Variants in ACBD6 observed in about 807,000 individuals in gnomAD.
ACBD6 encodes acyl-CoA-binding domain-containing protein 6.
A neutral mutation model predicts 37.2 loss-of-function variants in ACBD6; 28 were observed. The ratio of observed to expected loss-of-function variants is 0.75; its 90% CI spans 0.56 to 1.03. The LOEUF is 1.03. ACBD6 is among the 50% of genes least tolerant of loss of function. ACBD6 has a pLI of 0.00. For missense variants in ACBD6, 340 were observed against 337.4 expected (o/e 1.01, Z -0.06); for synonymous variants, 113 against 126.8 (o/e 0.89, Z 0.73).
chr1:180,470,592 C>A (rs569823105), intron 3 of ACBD6, among the ~76,000 whole-genome samples: 1 of 152,170 alleles, frequency 6.6e-6, no homozygotes, highest in Non-Finnish European at 1.5e-5. Flanking sequence ...ACTTAAACTA[C>A]GGTATATATT....
At chr1:180,338,055 CA>C (rs1468836299) in intron 6 of ACBD6, among the ~76,000 whole-genome samples, 1 of 151,386 alleles carries the variant, frequency 6.6e-6, no homozygotes, top group African/African-American at 2.4e-5. Context: ...AACATCCAAA[CA>C]AATGCTCATG....
chr1:180,296,196 C>T (rs1649910578), intron 7 of ACBD6, among the ~76,000 whole-genome samples: 1 of 152,194 alleles, frequency 6.6e-6, no homozygotes, highest in South Asian at 2.1e-4. Flanking sequence ...GTCTAATCCA[C>T]AGCAAGGCTC....
At chr1:180,478,904 G>T (rs982055272) in intron 3 of ACBD6, among the ~76,000 whole-genome samples, 1 of 152,128 alleles carries the variant, frequency 6.6e-6, no homozygotes. Flanking sequence ...AAGGCAGGAG[G>T]ATCACTTGAG....
intron 6 of ACBD6, among the ~76,000 whole-genome samples, chr1:180,384,820 TGAA>T (rs1394860492): frequency 1.3e-5 from 2 of 152,128 alleles, no homozygotes; most frequent in African/African-American, 4.8e-5. Flanking sequence ...TAGTCAGCTA[TGAA>T]GAAGAATGAA....
intron 5 of ACBD6, among the ~76,000 whole-genome samples, chr1:180,397,967 C>T (rs1295444175): frequency 6.6e-5 from 10 of 151,954 alleles, no homozygotes; most frequent in African/African-American, 2.4e-4. Context: ...GCAGGAGAAT[C>T]GCTTGAACTC....
intron 10 of ACBD6, chr1:180,274,627 C>T (rs373806372): frequency 1.3e-6 from 2 of 1,500,522 alleles, no homozygotes; most frequent in Non-Finnish European, 8.9e-7. Context: ...GAGAGAATAT[C>T]TTCAAGGATC....
At chr1:180,479,911 C>T (rs1025847948) in intron 3 of ACBD6, among the ~76,000 whole-genome samples, 31 of 152,036 alleles carry the variant, frequency 2.0e-4, no homozygotes, top group Non-Finnish European at 4.0e-4. Context: ...ATGGCTTGAG[C>T]CCCGAAGGCA....
intron 7 of ACBD6, 22 bp from the exon 8 acceptor site, chr1:180,288,539 A>G: frequency 1.9e-6 from 3 of 1,607,988 alleles, no homozygotes; most frequent in Non-Finnish European, 2.5e-6. Context: ...ATTGACAAAT[A>G]TGAAAACAAG....
intron 6 of ACBD6, among the ~76,000 whole-genome samples, chr1:180,349,066 G>A (rs369622185): frequency 1.5e-3 from 221 of 151,918 alleles, no homozygotes; most frequent in African/African-American, 5.0e-3. Flanking sequence ...CCCATTTTAG[G>A]ATGTTGCGAG....
intron 6 of ACBD6, among the ~76,000 whole-genome samples, chr1:180,321,182 T>A (rs928682181): frequency 1.3e-5 from 2 of 152,186 alleles, no homozygotes; most frequent in Admixed American, 6.5e-5. Flanking sequence ...CAAGCAGTTT[T>A]TGTTACTATA....
intron 6 of ACBD6, among the ~76,000 whole-genome samples, chr1:180,369,600 C>T (rs1653179971): frequency 6.6e-6 from 1 of 152,090 alleles, no homozygotes; most frequent in African/African-American, 2.4e-5. Flanking sequence ...TTTCCTTCAA[C>T]TTACTCAGTT....
rs567478545 is a variant in ACBD6, at chr1:180,326,810, T to C, written c.664-12088A>G. Among the ~76,000 whole-genome samples the C allele has an allele frequency of 8.5e-5, 13 of 152,210 alleles. No individual in the cohort carries two copies. In the East Asian group the frequency reaches 2.3e-3, roughly 27 times the overall value. ...GGCTCCTTCCCTTCAAGGCAGTGGG[T>C]TCCCTTCTGACCCAGGATGTGTCTA... On this transcript the variant is annotated intron_variant, in intron 6 of 7. Coordinates refer to ENST00000367595, the MANE Select transcript of ACBD6 (RefSeq NM_032360.4).
chr1:180,385,708 A>C (rs1571437629), intron 6 of ACBD6, among the ~76,000 whole-genome samples: 1 of 152,184 alleles, frequency 6.6e-6, no homozygotes, highest in East Asian at 1.9e-4. Context: ...GGCTATCTAC[A>C]AGCCAAGTTG....
intron 3 of ACBD6, among the ~76,000 whole-genome samples, chr1:180,431,270 G>A (rs1367575188): frequency 6.6e-6 from 1 of 151,640 alleles, no homozygotes; most frequent in Non-Finnish European, 1.5e-5. Flanking sequence ...GGGGAACTAA[G>A]GTTTCAAAAA....
At chr1:180,391,417 C>A (rs1654072802) in intron 6 of ACBD6, among the ~76,000 whole-genome samples, 1 of 152,230 alleles carries the variant, frequency 6.6e-6, no homozygotes, top group Non-Finnish European at 1.5e-5. Context: ...TGAAACGAGA[C>A]TTGTATCCAA....
intron 6 of ACBD6, among the ~76,000 whole-genome samples, chr1:180,358,480 T>C (rs1652716299): frequency 6.6e-6 from 1 of 151,284 alleles, no homozygotes; most frequent in African/African-American, 2.4e-5. Context: ...TTTTAGCATG[T>C]ATTCTAAAAT....
intron 3 of ACBD6, chr1:180,434,683 C>T (rs778144564): frequency 1.2e-5 from 5 of 422,552 alleles, no homozygotes; most frequent in South Asian, 2.2e-5. Context: ...GTCACTGCTT[C>T]GAGTTGTCCT....
At chr1:180,494,735 G>A (rs1651661083) in intron 2 of ACBD6, among the ~76,000 whole-genome samples, 1 of 151,930 alleles carries the variant, frequency 6.6e-6, no homozygotes, top group South Asian at 2.1e-4. Context: ...TTAATTCCAG[G>A]GCTGATGCTC....
intron 3 of ACBD6, among the ~76,000 whole-genome samples, chr1:180,461,285 C>G (rs1466328290): frequency 6.6e-6 from 1 of 152,058 alleles, no homozygotes; most frequent in Non-Finnish European, 1.5e-5. Context: ...ACTGGTGTAC[C>G]CGAAAGAGCT....
Sources: allele counts gnomAD v4.1 joint callset (sites outside exome capture counted in the v4.1 genomes callset), GRCh38; gene constraint gnomAD v4.1.1; transcripts MANE v1.5; gene names NCBI Gene and HGNC (gene_info 2026-07-23, HGNC 2026-07-21).